The following LAMA5 variants were observed in gnomAD, a reference collection of about 807,000 sequenced individuals.
The protein encoded by LAMA5 is laminin subunit alpha 5, also known as laminin subunit alpha-5.
In LAMA5, 260 loss-of-function variants were observed where a neutral mutation model predicts 433.4. The ratio of observed to expected loss-of-function variants is 0.60; its 90% confidence interval spans 0.54 to 0.66. The LOEUF is 0.66. LAMA5 is among the 30% of genes least tolerant of loss of function. The probability of loss-of-function intolerance (pLI) is 0.00; values close to 1 mark genes in which losing one functional copy is unlikely to be tolerated. For missense variants in LAMA5, 5,378 were observed against 5,258.5 expected, an observed-to-expected ratio of 1.02 and a Z score of -0.70; for synonymous variants, 2,620 against 2,226.6, an observed-to-expected ratio of 1.18 and a Z score of -4.97.
intron 43 of LAMA5, 62 bp from the exon 44 acceptor site, chr20:62,323,918 A>T: frequency 6.6e-7 from 1 of 1,509,740 alleles, no homozygotes; most frequent in Non-Finnish European, 9.0e-7. Context: ...GGGCGAGCAC[A>T]CTGTGCTCCG....
chr20:62,309,730 A>G lies in LAMA5; in HGVS notation c.10934T>C (p.Leu3645Pro). The change falls in exon 79 of 80, where the codon CTC (leucine) becomes CCC (proline). Residue 3645 changes from leucine to proline, a missense_variant. Coordinates refer to ENST00000252999, the MANE Select transcript of LAMA5 (RefSeq NM_005560.6). ...AAAGAPAPLY[L>P]GGLPEPMAVQ... Reference sequence around the variant, plus strand: ...GCCGCACTCACCAGGCAGGCCCCCGAGGTACAGAGGGGCTGGGGCACCAGC... The same window carrying G: ...GCCGCACTCACCAGGCAGGCCCCCGGGGTACAGAGGGGCTGGGGCACCAGC... 6.3e-7 allele frequency: 1 copy of G among 1,597,564 alleles called. No individual in the cohort carries two copies. The highest frequency in any genetic ancestry group is 1.4e-5 in the African/African-American group (1 of 73,348).
At chr20:62,319,987 T>C (rs1479073912) in intron 50 of LAMA5, among the ~76,000 whole-genome samples, 192 bp from the exon 51 acceptor site, 1 of 152,136 alleles carries the variant, frequency 6.6e-6, no homozygotes, top group Non-Finnish European at 1.5e-5. Context: ...AACTTGCCAT[T>C]TGTTATTTCC....
chr20:62,317,277 T>G, intron 55 of LAMA5, 68 bp downstream of exon 55: 1 of 1,439,642 alleles, frequency 6.9e-7, no homozygotes, highest in Non-Finnish European at 9.2e-7. Context: ...CCAGACCAGC[T>G]GGCCCTCCCA....
chr20:62,332,295 C>T (rs578145272), intron 28 of LAMA5, 77 bp downstream of exon 28: 4 of 1,061,590 alleles, frequency 3.8e-6, no homozygotes, highest in Middle Eastern at 2.1e-4. Context: ...CCCCAACTGT[C>T]CTCTCCCCTC....
In LAMA5 at chr20:62,335,204, T is replaced by G. The variant is rs754057082; in HGVS notation, c.2376+13A>C. The G allele has an allele frequency of 6.2e-7, 1 of 1,612,584 alleles. No homozygotes were observed. The highest frequency in any genetic ancestry group is 1.7e-5 in the Admixed American group (1 of 59,944). ...TGCCCCCAAATCCCCCACACCTTGG[T>G]CCTCAGACTCACCGGCTGGCACTCA... On this transcript the variant is annotated intron_variant, in intron 19 of 79. Transcript: ENST00000252999.
chr20:62,337,045 C>A lies in LAMA5; in HGVS notation c.2165-259G>T. ...GTGGGGTACCCGTGTACATTCCACA[C>A]GCAGTGTGTGACACACGTCTGAACA... On this transcript the variant is annotated intron_variant, in intron 16 of 79. Coordinates refer to ENST00000252999, the MANE Select transcript of LAMA5 (RefSeq NM_005560.6). The A allele has an allele frequency of 4.5e-6, 3 of 659,514 alleles. No homozygotes were observed. In the Admixed American group the frequency reaches 6.2e-5, roughly 14 times the overall value. The allele number at this position is 659,514 out of a possible 1,614,324, so 40.9% of individuals were successfully genotyped here.
In LAMA5 at chr20:62,367,025, G is replaced by C. The variant is rs988236295; in HGVS notation, c.221C>G (p.Pro74Arg). Residue 74 changes from proline to arginine, a missense_variant, in exon 1 of 80, where the codon CCG becomes CGG. Transcript: ENST00000252999. The part of the protein sequence containing the change: ...CGEEAPARGS[P>R]RPTEDLYCKL... ...GCAGTAAAGGTCCTCGGTGGGGCGC[G>C]GGGAGCCGCGCGCCGGGGCCTCCTC... 2 of 1,276,424 alleles carry C rather than the reference G, an allele frequency of 1.6e-6. No homozygotes were observed. Among genetic ancestry groups the C allele is most frequent in the Non-Finnish European group, 2.0e-6 (2 of 1,014,570 alleles). The allele number at this position is 1,276,424 out of a possible 1,614,324, so 79.1% of individuals were successfully genotyped here.
At chr20:62,322,896 G>C (rs148960852) in intron 45 of LAMA5, 138 bp from the exon 46 acceptor site, 1 of 583,398 alleles carries the variant, frequency 1.7e-6, no homozygotes, top group Non-Finnish European at 2.9e-6. Context: ...CTACCCACTC[G>C]TGTCCCAGCC....
In LAMA5 at chr20:62,318,645, C is replaced by A. The variant is rs768525425; in HGVS notation, c.7048G>T (p.Ala2350Ser). The A allele has an allele frequency of 6.2e-7, 1 of 1,609,572 alleles. No individual in the cohort carries two copies. The highest frequency in any genetic ancestry group is 2.2e-5 in the East Asian group (1 of 44,830). The change falls in exon 53 of 80, where the codon GCC becomes TCC. Residue 2350 changes from alanine (A) to serine (S), a missense_variant. Transcript: ENST00000252999. ...AELAAAQRLL[A>S]RVQEQLSSLW... ...CTGCTCAGCTGCTCCTGCACCCGGG[C>A]CAGCACTAGCCGAGACCAGGGTGAG... is the stretch of plus-strand genomic sequence containing the variant.
chr20:62,348,222 G>A (rs373722229), intron 6 of LAMA5, among the ~76,000 whole-genome samples: 62 of 152,236 alleles, frequency 4.1e-4, no homozygotes, highest in African/African-American at 1.4e-3. Context: ...AAACAATGTG[G>A]CAGGTCAGCA....
intron 1 of LAMA5, among the ~76,000 whole-genome samples, chr20:62,364,972 C>T (rs746991062): frequency 1.3e-5 from 2 of 152,272 alleles, no homozygotes; most frequent in African/African-American, 2.4e-5. Flanking sequence ...CACTCCAGAC[C>T]GGCCGGCAAG....
At chr20:62,361,203 G>A (rs754142290) in intron 2 of LAMA5, among the ~76,000 whole-genome samples, 69 of 151,994 alleles carry the variant, frequency 4.5e-4, no homozygotes, top group Admixed American at 4.5e-3. Context: ...AGTCAGATGC[G>A]GGGAAACCCA....
Position 62,316,674 on chromosome 20 carries a change from G to T in LAMA5, c.7753C>A (p.Leu2585Ile). 1 of 1,593,242 alleles carries T rather than the reference G, an allele frequency of 6.3e-7. No homozygotes were observed. The highest frequency in any genetic ancestry group is 8.6e-7 in the Non-Finnish European group (1 of 1,167,202). The change falls in exon 57 of 80, where the codon CTT becomes ATT. Residue 2585 changes from leucine (L) to isoleucine (I), a missense_variant. Physicochemically the swap from Leu to Ile is conservative, Grantham distance 5 (BLOSUM62 2). Transcript: ENST00000252999. The part of the protein sequence containing the change: ...AMLQEQQRLG[L>I]VWAALQGART... Reference sequence around the variant, plus strand: ...CCCATCGGAGCCCAGCACTCACCAAGGCCCAGCCTCTGCTGTTCCTGGAGC... The same window carrying T: ...CCCATCGGAGCCCAGCACTCACCAATGCCCAGCCTCTGCTGTTCCTGGAGC...
intron 69 of LAMA5, 33 bp from the exon 70 acceptor site, chr20:62,312,083 TG>T: frequency 6.2e-7 from 1 of 1,609,220 alleles, no homozygotes. Context: ...CCGGCCGGCC[TG>T]GGGACCCAGA....
At chr20:62,321,855 C>T (rs997157866) in intron 48 of LAMA5, among the ~76,000 whole-genome samples, 164 bp downstream of exon 48, 15 of 151,860 alleles carry the variant, frequency 9.9e-5, no homozygotes, top group African/African-American at 2.9e-4. Context: ...GGAGCTGCAG[C>T]GCTCCTCAGC....
At position 62,359,654 on chromosome 20, in the gene LAMA5, C is replaced by A. The variant is rs188350890; in HGVS notation, c.450+2746G>T. On this transcript the variant is annotated intron_variant, in intron 2 of 79. Transcript: ENST00000252999. The surrounding 1 kb of genome is among the most constrained non-coding windows in gnomAD (Gnocchi z 4.3). Reference sequence around the variant, plus strand: ...ACTCGGAAACTGCCCCCTGAGTCACCAGTGACCAGCGCTGGAGCCTCTTCC... The same window carrying A: ...ACTCGGAAACTGCCCCCTGAGTCACAAGTGACCAGCGCTGGAGCCTCTTCC... 2.1e-4 allele frequency among the ~76,000 whole-genome samples: 32 copies of A among 152,176 alleles called. No individual in the cohort carries two copies. The highest frequency in any genetic ancestry group is 7.7e-4 in the African/African-American group (32 of 41,524).
rs372211478 is a variant in LAMA5, at chr20:62,333,100, G to A, written c.3272C>T (p.Thr1091Met). Residue 1091 changes from threonine (T) to methionine (M), a missense_variant, in exon 26 of 80, where the codon ACG becomes ATG. Thr to Met is a moderately conservative substitution (Grantham distance 81). Transcript: ENST00000252999. ...SPSHPPLITC[T>M]GSDVDVQLQV... is the part of the protein sequence containing the mutation. ...TCCCAGGACACGCACATCACTGCCC[G>A]TGCAGGTGATCAGTGGCGGGTGCGA... is the stretch of plus-strand genomic sequence containing the variant. 3.2e-5 allele frequency: 48 copies of A among 1,505,754 alleles called. No individual in the cohort carries two copies. Among genetic ancestry groups the A allele is most frequent in the African/African-American group, 1.1e-4 (8 of 71,480 alleles). The allele number at this position is 1,505,754 out of a possible 1,614,324, so 93.3% of individuals were successfully genotyped here. A position where few individuals can be genotyped will look rare whatever the true frequency, so the allele number is the denominator to read the frequency against.
chr20:62,322,247 C>A, intron 47 of LAMA5, 22 bp downstream of exon 47: 3 of 1,573,448 alleles, frequency 1.9e-6, no homozygotes, highest in Non-Finnish European at 2.6e-6. Flanking sequence ...CATCCGCCCT[C>A]CTGTGACCGG....
In LAMA5 at chr20:62,309,728, C is replaced by T. The variant is rs1163241721; in HGVS notation, c.10936G>A (p.Gly3646Arg). 1.9e-6 allele frequency: 3 copies of T among 1,599,610 alleles called. No individual in the cohort carries two copies. The highest frequency in any genetic ancestry group is 1.8e-5 in the Admixed American group (1 of 55,930). ...AGGCCGCACTCACCAGGCAGGCCCC[C>T]GAGGTACAGAGGGGCTGGGGCACCA... is the stretch of plus-strand genomic sequence containing the variant. Reference protein sequence around the residue: ...AAGAPAPLYLGGLPEPMAVQP... With the variant: ...AAGAPAPLYLRGLPEPMAVQP... The change falls in exon 79 of 80, where the codon GGG becomes AGG. Residue 3646 changes from glycine to arginine, a missense_variant. Coordinates refer to ENST00000252999, the MANE Select transcript of LAMA5 (RefSeq NM_005560.6).
Sources: allele counts gnomAD v4.1 joint callset (sites outside exome capture counted in the v4.1 genomes callset), GRCh38; gene constraint gnomAD v4.1.1; non-coding constraint Gnocchi (gnomAD v3.1); transcripts MANE v1.5; gene names NCBI Gene and HGNC (gene_info 2026-07-23, HGNC 2026-07-21).